The following UNC13C variants were observed in gnomAD, a reference collection of about 807,000 sequenced individuals.
The protein encoded by UNC13C is protein unc-13 homolog C.
A neutral mutation model predicts 245.4 loss-of-function variants in UNC13C; 174 were observed. That is an observed-to-expected ratio of 0.71 (90% CI 0.63 to 0.80). The LOEUF (loss-of-function observed/expected upper bound fraction) is 0.80, where lower values mean the gene tolerates loss of function less well. UNC13C is among the 30% of genes least tolerant of loss of function. UNC13C has a pLI of 0.00. For missense variants in UNC13C, 2,829 were observed against 2,602.9 expected (o/e 1.09, Z -1.89); for synonymous variants, 992 against 895.1 (o/e 1.11, Z -1.93).
At chr15:53,890,441 AC>A in the UNC13C span, among the ~76,000 whole-genome samples, 6 of 152,196 alleles carry the variant, frequency 3.9e-5, no homozygotes, top group Admixed American at 3.9e-4. Context: ...GCGCCCAGCT[AC>A]CAGTTCCTCT....
chr15:54,555,320 G>A, intron 28 of UNC13C, 112 bp from the exon 29 acceptor site: 1 of 757,466 alleles, frequency 1.3e-6, no homozygotes, highest in Non-Finnish European at 2.3e-6. Context: ...AGGTGCAGAA[G>A]ATATTTCAAA....
At chr15:54,512,993 A>T (rs751632413) in intron 24 of UNC13C, among the ~76,000 whole-genome samples, 14 of 152,298 alleles carry the variant, frequency 9.2e-5, no homozygotes, top group Admixed American at 2.0e-4. Flanking sequence ...TAAAAAAATG[A>T]ACCTTTATGA....
chr15:54,523,180 C>G (rs1895299962), intron 24 of UNC13C, among the ~76,000 whole-genome samples: 1 of 152,194 alleles, frequency 6.6e-6, no homozygotes, highest in African/African-American at 2.4e-5. Context: ...TAGAGTAATG[C>G]AGAAGAACTC....
At chr15:54,227,433 A>T (rs1197097077) in intron 4 of UNC13C, among the ~76,000 whole-genome samples, 1 of 152,122 alleles carries the variant, frequency 6.6e-6, no homozygotes, top group Admixed American at 6.5e-5. Flanking sequence ...CGTACCATTC[A>T]TGGCACCCAG....
chr15:53,985,192 G>A (rs1180192184), intron 1 of UNC13C, among the ~76,000 whole-genome samples: 4 of 151,988 alleles, frequency 2.6e-5, no homozygotes, highest in Non-Finnish European at 5.9e-5. Flanking sequence ...GTGAGAGCAT[G>A]TGGTGTTTGG....
intron 19 of UNC13C, among the ~76,000 whole-genome samples, chr15:54,445,437 A>G (rs969769208): frequency 6.6e-6 from 1 of 152,066 alleles, no homozygotes; most frequent in Non-Finnish European, 1.5e-5. Context: ...AAGTGTTCCT[A>G]TTTCTCCACA....
intron 10 of UNC13C, among the ~76,000 whole-genome samples, chr15:54,279,748 T>C (rs1033386141): frequency 6.6e-6 from 1 of 152,192 alleles, no homozygotes; most frequent in Non-Finnish European, 1.5e-5. Context: ...ATATTTATTA[T>C]CTCCCTAGAG....
chr15:53,881,387 T>C, the UNC13C span, among the ~76,000 whole-genome samples: 1 of 152,240 alleles, frequency 6.6e-6, no homozygotes, highest in Non-Finnish European at 1.5e-5. Flanking sequence ...AAATGCTTTG[T>C]CTTGCACTGG....
At chr15:54,224,874 G>A (rs570064484) in intron 4 of UNC13C, among the ~76,000 whole-genome samples, 1 of 152,120 alleles carries the variant, frequency 6.6e-6, no homozygotes, top group South Asian at 2.1e-4. Context: ...TTTAATTTTT[G>A]TAGGTTTTAT....
chr15:54,315,123 T>C (rs557532692), intron 13 of UNC13C, among the ~76,000 whole-genome samples: 3 of 151,746 alleles, frequency 2.0e-5, no homozygotes, highest in Non-Finnish European at 4.4e-5. Flanking sequence ...CTGATAATGC[T>C]AGCTCTTTCT....
chr15:54,563,443 T>G (rs369752460), intron 29 of UNC13C, among the ~76,000 whole-genome samples: 2 of 152,112 alleles, frequency 1.3e-5, no homozygotes, highest in East Asian at 3.9e-4. Context: ...TCCTAACTGT[T>G]TTTTGCCCAT....
At chr15:54,473,713 T>C (rs1892580491) in intron 19 of UNC13C, among the ~76,000 whole-genome samples, 1 of 151,830 alleles carries the variant, frequency 6.6e-6, no homozygotes, top group Non-Finnish European at 1.5e-5. Flanking sequence ...ATATACCACC[T>C]CTTCTCTTTT....
intron 17 of UNC13C, among the ~76,000 whole-genome samples, chr15:54,360,011 G>C (rs942633035): frequency 6.6e-6 from 1 of 151,690 alleles, no homozygotes; most frequent in African/African-American, 2.4e-5. Context: ...TGGGTATGCT[G>C]TGTTTCTGTT....
intron 19 of UNC13C, among the ~76,000 whole-genome samples, chr15:54,465,172 G>A (rs1192721538): frequency 6.6e-6 from 1 of 152,064 alleles, no homozygotes; most frequent in African/African-American, 2.4e-5. Context: ...CAATAAGACA[G>A]TGACCAGAAT....
chr15:54,420,609 T>A (rs2040620656), intron 19 of UNC13C, among the ~76,000 whole-genome samples: 1 of 151,996 alleles, frequency 6.6e-6, no homozygotes, highest in African/African-American at 2.4e-5. Flanking sequence ...CTGTATAATA[T>A]TAGCATATTC....
In UNC13C at chr15:54,250,199, A is replaced by C. The variant is rs761069341; in HGVS notation, c.3229-26A>C. On this transcript the variant is annotated intron_variant, in intron 7 of 32. Coordinates refer to ENST00000260323, the MANE Select transcript of UNC13C (RefSeq NM_001080534.3). ...TTCAAATCCACTGACTTGGCGGTGCATTGGTAACTTCTCTCATGTTCACAG... is the reference window on the plus strand; with the variant it reads ...TTCAAATCCACTGACTTGGCGGTGCCTTGGTAACTTCTCTCATGTTCACAG... 4 of 1,604,972 alleles carry C rather than the reference A, an allele frequency of 2.5e-6. No individual in the cohort carries two copies. In the South Asian group the frequency reaches 4.4e-5, roughly 18 times the overall value.
intron 4 of UNC13C, among the ~76,000 whole-genome samples, chr15:54,153,226 A>C (rs999364513): frequency 6.6e-6 from 1 of 152,156 alleles, no homozygotes; most frequent in African/African-American, 2.4e-5. Context: ...CTTAGTTTTT[A>C]GTCTGTCTTA....
At chr15:54,290,440 A>G (rs1055465242) in intron 10 of UNC13C, among the ~76,000 whole-genome samples, 3 of 152,112 alleles carry the variant, frequency 2.0e-5, no homozygotes, top group African/African-American at 7.2e-5. Context: ...AGAAATGCAC[A>G]GAGACTCAAA....
At position 54,527,111 on chromosome 15, in the gene UNC13C, T is replaced by TA. The variant is rs1227294026; in HGVS notation, c.5546+1474_5546+1475insA. On this transcript the variant is annotated intron_variant, in intron 25 of 32. Coordinates refer to ENST00000260323, the MANE Select transcript of UNC13C (RefSeq NM_001080534.3). Reference sequence around the variant, plus strand: ...GGTAGTCATTCTGCCTCTGCAGTGTTGTTAGCTGATTGGATGATCCTGCCT... The same window carrying TA: ...GGTAGTCATTCTGCCTCTGCAGTGTTAGTTAGCTGATTGGATGATCCTGCCT... Among the ~76,000 whole-genome samples the TA allele has an allele frequency of 7.6e-3, 1,127 of 147,396 alleles. 16 individuals carry two copies. The highest frequency in any genetic ancestry group is 0.027 in the African/African-American group (1,075 of 39,342).
Sources: gnomAD v4.1 joint callset for allele counts (sites outside exome capture counted in the v4.1 genomes callset) on GRCh38, gnomAD v4.1.1 for gene constraint, MANE v1.5 for transcripts, NCBI Gene and HGNC (gene_info 2026-07-23, HGNC 2026-07-21) for gene names.